Variants in SLC12A6 observed in about 807,000 individuals in gnomAD.
SLC12A6 encodes solute carrier family 12 member 6, also known as K-Cl cotransporter 3.
In SLC12A6, 66 loss-of-function variants were observed where a neutral mutation model predicts 135.3. The ratio of observed to expected loss-of-function variants is 0.49; its 90% CI spans 0.40 to 0.60. SLC12A6 has a LOEUF of 0.60. SLC12A6 is among the 20% of genes least tolerant of loss of function. SLC12A6 has a pLI of 0.00. For missense variants in SLC12A6, 1,058 were observed against 1,452.3 expected, an observed-to-expected ratio of 0.73 and a Z score of 4.41; for synonymous variants, 513 against 508.8, an observed-to-expected ratio of 1.01 and a Z score of -0.11.
chr15:34,315,849 T>A (rs1028813862), intron 2 of SLC12A6, among the ~76,000 whole-genome samples: 1 of 151,586 alleles, frequency 6.6e-6, no homozygotes. Context: ...TGTGGTGGCA[T>A]GTGCCTGTAG....
chr15:34,235,431 ATTTT>A (rs371322623), intron 24 of SLC12A6, 117 bp from the exon 25 acceptor site: 584 of 501,064 alleles, frequency 1.2e-3, no homozygotes, highest in East Asian at 1.5e-3. Context: ...TGATAAAATG[ATTTT>A]TTTTTTTTTT....
Position 34,233,956 on chromosome 15 carries a change from C to G in SLC12A6, c.3378G>C (p.Glu1126Asp), listed in dbSNP as rs745436661. 6.3e-7 allele frequency: 1 copy of G among 1,593,492 alleles called. No individual in the cohort carries two copies. The change falls in exon 26 of 26, where the codon GAG (glutamate) becomes GAC (aspartate). Residue 1126 changes from glutamate to aspartate, a missense_variant. Glu to Asp is a conservative substitution (Grantham distance 45). Around this residue, in one of 6 missense-constraint regions of SLC12A6, gnomAD observed 245 missense variants for 440.8 expected, o/e 0.56. Coordinates refer to ENST00000354181, the MANE Select transcript of SLC12A6 (RefSeq NM_001365088.1). ...EGDENYMEFL[E>D]VLTEGLERVL... ...CTCGCTCTAGTCCCTCGGTAAGCAC[C>G]TCTAGGAACTCCATGTCTTCAAAAC...
At chr15:34,237,249 T>C (rs1283650776) in intron 22 of SLC12A6, 170 bp downstream of exon 22, 3 of 578,912 alleles carry the variant, frequency 5.2e-6, no homozygotes, top group Non-Finnish European at 6.1e-6. Flanking sequence ...GCATCACATA[T>C]ACATTCTACT....
chr15:34,241,413 G>A, intron 17 of SLC12A6, 76 bp from the exon 18 acceptor site: 2 of 796,904 alleles, frequency 2.5e-6, no homozygotes, highest in Non-Finnish European at 4.2e-6. Flanking sequence ...GTTTTTTTCT[G>A]AATCTAAAAA....
At chr15:34,247,099 C>T (rs1265123328) in intron 13 of SLC12A6, among the ~76,000 whole-genome samples, 1 of 152,134 alleles carries the variant, frequency 6.6e-6, no homozygotes, top group Non-Finnish European at 1.5e-5. Flanking sequence ...TCTTGTGGCA[C>T]ATGCACACTC....
chr15:34,323,234 T>A (rs1439990831), intron 2 of SLC12A6, among the ~76,000 whole-genome samples: 1 of 152,026 alleles, frequency 6.6e-6, no homozygotes, highest in Non-Finnish European at 1.5e-5. Context: ...AAGGAAGATA[T>A]GCAAACCACT....
At chr15:34,336,906 G>GA (rs987214632) in intron 1 of SLC12A6, 154 bp from the exon 2 acceptor site, 11 of 582,822 alleles carry the variant, frequency 1.9e-5, no homozygotes, top group Admixed American at 3.0e-5. Context: ...TTTTAAGAGA[G>GA]AAAAAAACAA....
At position 34,261,023 on chromosome 15, in the gene SLC12A6, G is replaced by GA; in HGVS notation, c.317-4_317-3insT. The GA allele has an allele frequency of 6.7e-7, 1 of 1,491,956 alleles. No homozygotes were observed. The highest frequency in any genetic ancestry group is 9.3e-7 in the Non-Finnish European group (1 of 1,071,370). 92.4% of individuals were successfully genotyped at this position (1,491,956 alleles called of 1,614,324 possible). A position where few individuals can be genotyped will look rare whatever the true frequency, so the allele number is the denominator to read the frequency against. On this transcript the variant is annotated splice_region_variant and splice_polypyrimidine_tract_variant and intron_variant, in intron 3 of 25. Transcript: ENST00000354181. ...TCGAGCTTTCTTATGTCCGTCGTCT[G>GA]GAAAAAAAAAAGTAGACCAAGTTAG...
intron 2 of SLC12A6, among the ~76,000 whole-genome samples, chr15:34,284,175 G>C (rs1894873050): frequency 6.6e-6 from 1 of 151,968 alleles, no homozygotes; most frequent in Non-Finnish European, 1.5e-5. Context: ...AATGGCTGTA[G>C]TGAAGCTGAT....
chr15:34,289,596 A>G (rs1188723083), intron 2 of SLC12A6, among the ~76,000 whole-genome samples: 1 of 152,162 alleles, frequency 6.6e-6, no homozygotes, highest in East Asian at 1.9e-4. Flanking sequence ...CTGGCTGTGA[A>G]TCCTTCTGGT....
chr15:34,236,873 C>G, intron 22 of SLC12A6, 58 bp from the exon 23 acceptor site: 2 of 963,900 alleles, frequency 2.1e-6, no homozygotes, highest in South Asian at 2.6e-5. Flanking sequence ...AAGGATGAAC[C>G]ATACATTTTT....
intron 2 of SLC12A6, among the ~76,000 whole-genome samples, chr15:34,332,836 A>G (rs537079791): frequency 1.3e-5 from 2 of 152,326 alleles, no homozygotes; most frequent in South Asian, 4.1e-4. Context: ...ATGACATATA[A>G]AAATATGTTT....
chr15:34,266,041 T>G, intron 3 of SLC12A6, among the ~76,000 whole-genome samples: 1 of 142,582 alleles, frequency 7.0e-6, no homozygotes, highest in Admixed American at 7.2e-5. Context: ...AAGAAGAGAT[T>G]ATAAAGAAGC....
chr15:34,329,161 T>C (rs1439899732), intron 2 of SLC12A6, among the ~76,000 whole-genome samples: 1 of 152,194 alleles, frequency 6.6e-6, no homozygotes, highest in African/African-American at 2.4e-5. Context: ...TACAGCTGTG[T>C]AGACAGTGCA....
chr15:34,325,214 T>G (rs2141153419), intron 2 of SLC12A6, among the ~76,000 whole-genome samples: 1 of 152,354 alleles, frequency 6.6e-6, no homozygotes, highest in East Asian at 1.9e-4. Context: ...AGTCTCATTC[T>G]TAAGTAGAAG....
At position 34,246,319 on chromosome 15, in the gene SLC12A6, C is replaced by T. The variant is rs77453930; in HGVS notation, c.1650-452G>A. On this transcript the variant is annotated intron_variant, in intron 13 of 25. Transcript: ENST00000354181. Reference sequence around the variant, plus strand: ...TATAAGATAGCCAGATTTGATCAAACGGCACTATTGACCTATATTAGGAAA... The same window carrying T: ...TATAAGATAGCCAGATTTGATCAAATGGCACTATTGACCTATATTAGGAAA... Among the ~76,000 whole-genome samples the T allele has an allele frequency of 4.9e-3, 740 of 152,088 alleles. 4 individuals carry two copies. The highest frequency in any genetic ancestry group is 6.2e-3 in the Non-Finnish European group (422 of 68,014).
intron 2 of SLC12A6, among the ~76,000 whole-genome samples, chr15:34,327,596 T>C (rs563694039): frequency 7.2e-5 from 11 of 151,770 alleles, no homozygotes; most frequent in African/African-American, 2.7e-4. Flanking sequence ...AGGCGGAGGC[T>C]GCAGTGAGCC....
intron 2 of SLC12A6, among the ~76,000 whole-genome samples, chr15:34,299,126 C>T (rs1184772441): frequency 1.3e-5 from 2 of 152,136 alleles, no homozygotes; most frequent in Non-Finnish European, 2.9e-5. Flanking sequence ...CCTTTGTAAG[C>T]TCTACCTTTG....
Position 34,252,311 on chromosome 15 carries a change from T to C in SLC12A6, c.1192A>G (p.Asn398Asp), listed in dbSNP as rs1304182801. The C allele has an allele frequency of 1.9e-6, 3 of 1,612,708 alleles. No individual in the cohort carries two copies. The African/African-American group carries it at 4.0e-5, about 22-fold the overall frequency. ...DVCSKTKEINNMTVPSKLWGF... is the reference protein window; with the variant it reads ...DVCSKTKEINDMTVPSKLWGF... Reference sequence around the variant, plus strand: ...CATAACTTTGATGGGACTGTCATGTTGTTAATTTCCTTGGTCTTAGAGCAA... The same window carrying C: ...CATAACTTTGATGGGACTGTCATGTCGTTAATTTCCTTGGTCTTAGAGCAA... Residue 398 changes from asparagine to aspartate, a missense_variant, in exon 10 of 26, where the codon AAC becomes GAC. Physicochemically the swap from Asn to Asp is conservative, Grantham distance 23. Transcript: ENST00000354181.
Sources: allele counts gnomAD v4.1 joint callset (sites outside exome capture counted in the v4.1 genomes callset), GRCh38; gene constraint gnomAD v4.1.1; regional missense constraint gnomAD v4.1.1; transcripts MANE v1.5; gene names NCBI Gene and HGNC (gene_info 2026-07-23, HGNC 2026-07-21).